The following NKAIN2 variants were observed in gnomAD, a reference collection of about 807,000 sequenced individuals.
The protein encoded by NKAIN2 is sodium/potassium transporting ATPase interacting 2.
Under a neutral mutation model 32.6 loss-of-function variants are expected in NKAIN2, and 14 were observed. The ratio of observed to expected loss-of-function variants is 0.43; its 90% CI spans 0.28 to 0.67. The LOEUF is 0.67. NKAIN2 is among the 30% of genes least tolerant of loss of function. The pLI, the probability that NKAIN2 is intolerant of heterozygous loss-of-function variation, is 0.17. For synonymous variants in NKAIN2, 80 were observed against 87.2 expected, an observed-to-expected ratio of 0.92 and a Z score of 0.46; for missense variants, 198 against 258.3, an observed-to-expected ratio of 0.77 and a Z score of 1.60.
At chr6:124,560,852 T>C (rs1178079226) in intron 3 of NKAIN2, among the ~76,000 whole-genome samples, 1 of 152,214 alleles carries the variant, frequency 6.6e-6, no homozygotes, top group Non-Finnish European at 1.5e-5. Context: ...AGAGTGAGTT[T>C]ATCATTACTA....
At chr6:124,273,084 G>T (rs905840938) in intron 1 of NKAIN2, among the ~76,000 whole-genome samples, 2 of 152,144 alleles carry the variant, frequency 1.3e-5, no homozygotes, top group Non-Finnish European at 2.9e-5. Context: ...TTGGGTTAAT[G>T]CTGGAATGAG....
In NKAIN2 at chr6:123,976,269, C is replaced by A. The variant is rs901763631; in HGVS notation, c.54+172015C>A. On this transcript the variant is annotated intron_variant, in intron 1 of 6. Coordinates refer to ENST00000368417, the MANE Select transcript of NKAIN2 (RefSeq NM_001040214.3). ...AGAACATATATATATATATATGTTT[C>A]CATATATATGTTTCCATATATATGT... Among the ~76,000 whole-genome samples, 24 of 68,300 alleles carry A rather than the reference C, an allele frequency of 3.5e-4. 1 individual carries two copies. The highest frequency in any genetic ancestry group is 7.9e-4 in the East Asian group (1 of 1,266). 44.8% of individuals were successfully genotyped at this position (68,300 alleles called of 152,430 possible).
chr6:124,744,683 G>C (rs1777374277), intron 4 of NKAIN2, among the ~76,000 whole-genome samples: 1 of 151,494 alleles, frequency 6.6e-6, no homozygotes. Context: ...GCGTATTTGG[G>C]GTCGTACATG....
intron 1 of NKAIN2, among the ~76,000 whole-genome samples, chr6:123,891,113 T>TCACTTTATAGATTG (rs1233312693): frequency 1.3e-5 from 2 of 152,178 alleles, no homozygotes; most frequent in Admixed American, 1.3e-4. Flanking sequence ...ATGTATGATT[T>TCACTTTATAGATTG]CACTTTATAG....
chr6:123,806,664 AT>A (rs1773228396), intron 1 of NKAIN2, among the ~76,000 whole-genome samples: 1 of 152,074 alleles, frequency 6.6e-6, no homozygotes, highest in Non-Finnish European at 1.5e-5. Context: ...GTTATGACTC[AT>A]GTACCATTGA....
At chr6:124,031,841 A>G (rs1234557952) in intron 1 of NKAIN2, among the ~76,000 whole-genome samples, 5 of 152,016 alleles carry the variant, frequency 3.3e-5, no homozygotes, top group Admixed American at 3.3e-4. Flanking sequence ...TATGTGGTCA[A>G]TTTTGGAATA....
chr6:124,219,738 G>T (rs945041321), intron 1 of NKAIN2, among the ~76,000 whole-genome samples: 1 of 152,052 alleles, frequency 6.6e-6, no homozygotes, highest in East Asian at 1.9e-4. Flanking sequence ...AGTCCTAAAG[G>T]TTGGCTCTCA....
intron 4 of NKAIN2, among the ~76,000 whole-genome samples, chr6:124,772,268 G>C (rs2114762307): frequency 6.6e-6 from 1 of 152,280 alleles, no homozygotes; most frequent in South Asian, 2.1e-4. Context: ...TAGGGTGGAA[G>C]TATAGGTGTA....
At chr6:124,683,213 C>G (rs1542559) in intron 4 of NKAIN2, among the ~76,000 whole-genome samples, 28,341 of 151,996 alleles carry the variant, frequency 0.19, 2,911 homozygotes, top group East Asian at 0.37. Context: ...ACATCCCATT[C>G]GCAGAAAAAG....
intron 1 of NKAIN2, among the ~76,000 whole-genome samples, chr6:124,056,728 A>G (rs1333823325): frequency 6.6e-6 from 1 of 152,034 alleles, no homozygotes; most frequent in African/African-American, 2.4e-5. Flanking sequence ...GTGTTACTGT[A>G]TATATTTTGT....
rs191312682 is a variant in NKAIN2 at position 124,672,974 on chromosome 6, A to T, written c.474+14588A>T. Among the ~76,000 whole-genome samples the T allele has an allele frequency of 2.6e-4, 40 of 152,178 alleles. No individual in the cohort carries two copies. The East Asian group carries it at 5.0e-3, about 19-fold the overall frequency. ...TGCTGACTGTATGCACATTGTTGTA[A>T]AGCAGATCTCCAGAACTTTACATCT... On this transcript the variant is annotated intron_variant, in intron 4 of 6. Coordinates refer to ENST00000368417, the MANE Select transcript of NKAIN2 (RefSeq NM_001040214.3).
intron 4 of NKAIN2, among the ~76,000 whole-genome samples, chr6:124,786,351 C>A (rs1310910894): frequency 6.6e-6 from 1 of 152,020 alleles, no homozygotes; most frequent in Non-Finnish European, 1.5e-5. Flanking sequence ...GGAAAGGTAT[C>A]CTTCCCATTG....
intron 4 of NKAIN2, among the ~76,000 whole-genome samples, chr6:124,696,121 C>T (rs533994516): frequency 2.0e-5 from 3 of 152,204 alleles, no homozygotes; most frequent in Admixed American, 6.5e-5. Flanking sequence ...GAGGAAGGAC[C>T]TCTGTGAGAG....
In NKAIN2 at chr6:124,810,021, T is replaced by TC. The variant is rs1221782378; in HGVS notation, c.536-8366_536-8365insC. On this transcript the variant is annotated intron_variant, in intron 5 of 6. Coordinates refer to ENST00000368417, the MANE Select transcript of NKAIN2 (RefSeq NM_001040214.3). Reference sequence around the variant, plus strand: ...GAGGATGTGGAGAAATAGGAACACTTTACACTGTTGGTGGGACTGTAAACT... The same window carrying TC: ...GAGGATGTGGAGAAATAGGAACACTTCTACACTGTTGGTGGGACTGTAAACT... Among the ~76,000 whole-genome samples the TC allele has an allele frequency of 3.3e-5, 5 of 152,248 alleles. No homozygotes were observed. The East Asian group carries it at 9.6e-4, about 29-fold the overall frequency.
intron 1 of NKAIN2, among the ~76,000 whole-genome samples, chr6:124,135,981 C>G (rs947901437): frequency 1.3e-5 from 2 of 151,310 alleles, no homozygotes; most frequent in African/African-American, 4.9e-5. Context: ...AATAGAGAAA[C>G]AAGAGCAAAC....
chr6:124,516,103 T>C (rs1394623780), intron 3 of NKAIN2, among the ~76,000 whole-genome samples: 1 of 152,130 alleles, frequency 6.6e-6, no homozygotes, highest in Admixed American at 6.6e-5. Flanking sequence ...ATCTTGCCAT[T>C]GAAGGAGCTT....
chr6:124,027,232 C>T (rs563323733), intron 1 of NKAIN2, among the ~76,000 whole-genome samples: 3 of 151,868 alleles, frequency 2.0e-5, no homozygotes, highest in South Asian at 2.1e-4. Context: ...CTCCGCCTCC[C>T]GGGTTCAAGC....
chr6:124,394,719 T>C (rs1451765068), intron 3 of NKAIN2, among the ~76,000 whole-genome samples: 1 of 151,734 alleles, frequency 6.6e-6, no homozygotes, highest in African/African-American at 2.4e-5. Context: ...TTTTGTTCTA[T>C]TCAGGTTTGC....
At chr6:124,447,814 A>T (rs1417646422) in intron 3 of NKAIN2, among the ~76,000 whole-genome samples, 3 of 152,108 alleles carry the variant, frequency 2.0e-5, no homozygotes, top group African/African-American at 7.2e-5. Flanking sequence ...GGTGCAACTG[A>T]AACTCATTCT....
Sources: gnomAD v4.1 joint callset for allele counts (sites outside exome capture counted in the v4.1 genomes callset) on GRCh38, gnomAD v4.1.1 for gene constraint, MANE v1.5 for transcripts, NCBI Gene and HGNC (gene_info 2026-07-23, HGNC 2026-07-21) for gene names.